CDON: variants seen among roughly 807,000 people sequenced by gnomAD.
CDON encodes cell adhesion molecule-related/down-regulated by oncogenes.
A neutral mutation model predicts 120.9 loss-of-function variants in CDON; 73 were observed. That is an observed-to-expected ratio of 0.60 (90% CI 0.50 to 0.73). CDON has a LOEUF of 0.73. Among genes scored for constraint, CDON ranks in the 30% least tolerant of loss-of-function variants. The pLI is 0.00. For missense variants in CDON, 1,470 were observed against 1,587.3 expected (o/e 0.93, Z 1.26); for synonymous variants, 566 against 573.5 (o/e 0.99, Z 0.19).
chr11:126,045,554 A>C (rs1202204846), intron 1 of CDON, among the ~76,000 whole-genome samples: 2 of 152,170 alleles, frequency 1.3e-5, no homozygotes, highest in Non-Finnish European at 2.9e-5. Flanking sequence ...TTTACTTTGG[A>C]AATTCGTTTT....
rs530518861 is a variant in CDON, at chr11:125,981,429, C to T, written c.2996-100G>A. ...ATGCACACATGCACATACGCACACA[C>T]GCACACACGCACACAGTAAGACACT... On this transcript the variant is annotated intron_variant, in intron 16 of 19. Coordinates refer to ENST00000531738, the MANE Select transcript of CDON (RefSeq NM_001378964.1). The T allele has an allele frequency of 1.2e-4, 138 of 1,189,694 alleles. No individual in the cohort carries two copies. In the African/African-American group the frequency reaches 1.2e-3, roughly 11 times the overall value. 73.7% of individuals were successfully genotyped at this position (1,189,694 alleles called of 1,614,324 possible).
At position 125,978,329 on chromosome 11, in the gene CDON, A is replaced by G; in HGVS notation, c.3331T>C (p.Cys1111Arg). The G allele has an allele frequency of 1.2e-6, 2 of 1,608,370 alleles. No homozygotes were observed. Residue 1111 changes from cysteine to arginine, a missense_variant, in exon 18 of 20, where the codon TGC becomes CGC. Coordinates refer to ENST00000531738, the MANE Select transcript of CDON (RefSeq NM_001378964.1). ...CTATTGTTGTTTCGACAATTTCGGCAGTTAACACACTCCAGAGGGTCAATC... is the reference window on the plus strand; with the variant it reads ...CTATTGTTGTTTCGACAATTTCGGCGGTTAACACACTCCAGAGGGTCAATC... ...PQIDPLECVN[C>R]RNCRNNNRCF...
chr11:125,989,968 G>A (rs1565508609), intron 14 of CDON, among the ~76,000 whole-genome samples: 1 of 152,152 alleles, frequency 6.6e-6, no homozygotes, highest in African/African-American at 2.4e-5. Context: ...AAGGTAAAGA[G>A]AGGAGATAAA....
At chr11:126,023,376 AC>A (rs1448381132) in intron 2 of CDON, 24 bp downstream of exon 2, 3 of 1,486,168 alleles carry the variant, frequency 2.0e-6, no homozygotes, top group South Asian at 2.3e-5. Context: ...AGGCCAAACC[AC>A]CCCCTCCCCA....
chr11:126,002,359 A>T (rs572457434), intron 10 of CDON, among the ~76,000 whole-genome samples: 1 of 152,344 alleles, frequency 6.6e-6, no homozygotes, highest in South Asian at 2.1e-4. Flanking sequence ...TGATTATGAA[A>T]ATGAACTCAA....
At chr11:126,046,292 A>C (rs1159690969) in intron 1 of CDON, among the ~76,000 whole-genome samples, 1 of 152,188 alleles carries the variant, frequency 6.6e-6, no homozygotes, top group Non-Finnish European at 1.5e-5. Flanking sequence ...CAATGCAATA[A>C]ACTTATCCTC....
At chr11:126,031,578 T>C (rs894176710) in intron 1 of CDON, among the ~76,000 whole-genome samples, 1 of 152,192 alleles carries the variant, frequency 6.6e-6, no homozygotes, top group Non-Finnish European at 1.5e-5. Flanking sequence ...AGATGCCAAC[T>C]GAGGGGGAGG....
chr11:125,961,143 T>C lies in CDON; in HGVS notation c.3632-38A>G, dbSNP rs776983195. 8 of 1,592,768 alleles carry C rather than the reference T, an allele frequency of 5.0e-6. No individual in the cohort carries two copies. In the African/African-American group the frequency reaches 1.1e-4, roughly 21 times the overall value. On this transcript the variant is annotated intron_variant, in intron 19 of 19. Coordinates refer to ENST00000531738, the MANE Select transcript of CDON (RefSeq NM_001378964.1). ...AGGGTTTGGGAGCATTATCAAATGA[T>C]AAAGGCTGATTTTTACAAAGCAGTC...
intron 1 of CDON, among the ~76,000 whole-genome samples, chr11:126,052,090 T>TAAAACAAAACAAAAC (rs112365084): frequency 2.0e-5 from 3 of 150,514 alleles, no homozygotes; most frequent in Non-Finnish European, 4.4e-5. Context: ...GCCATGGGAT[T>TAAAACAAAACAAAAC]AAAACAAAAC....
chr11:126,048,430 C>G (rs532943811), intron 1 of CDON, among the ~76,000 whole-genome samples: 1 of 152,156 alleles, frequency 6.6e-6, no homozygotes, highest in African/African-American at 2.4e-5. Context: ...AAGGAACACT[C>G]GAGCAAAGAG....
intron 1 of CDON, among the ~76,000 whole-genome samples, chr11:126,050,228 CA>C (rs11439468): frequency 8.2e-5 from 12 of 147,030 alleles, no homozygotes; most frequent in Admixed American, 2.7e-4. Flanking sequence ...AGCAAAAAAA[CA>C]AAAAAAAAGC....
intron 1 of CDON, among the ~76,000 whole-genome samples, chr11:126,045,285 CA>C (rs1948377222): frequency 6.6e-6 from 1 of 152,272 alleles, no homozygotes; most frequent in South Asian, 2.1e-4. Flanking sequence ...CTCAGCCTCC[CA>C]AAATGCTGGG....
At chr11:126,036,249 A>G (rs1341108472) in intron 1 of CDON, among the ~76,000 whole-genome samples, 1 of 152,236 alleles carries the variant, frequency 6.6e-6, no homozygotes, top group Non-Finnish European at 1.5e-5. Context: ...TTTTAAACAC[A>G]TATAGTCTTA....
intron 18 of CDON, among the ~76,000 whole-genome samples, chr11:125,968,172 A>C (rs1203969834): frequency 6.6e-6 from 1 of 152,204 alleles, no homozygotes; most frequent in African/African-American, 2.4e-5. Flanking sequence ...AAATATTAGA[A>C]ATTAATAACC....
At chr11:126,051,542 C>A (rs1346297067) in intron 1 of CDON, among the ~76,000 whole-genome samples, 1 of 152,146 alleles carries the variant, frequency 6.6e-6, no homozygotes, top group Non-Finnish European at 1.5e-5. Flanking sequence ...GATATGAAAT[C>A]TCTGCACAAG....
intron 17 of CDON, among the ~76,000 whole-genome samples, chr11:125,979,067 C>T (rs1377252711): frequency 6.6e-6 from 1 of 152,090 alleles, no homozygotes; most frequent in Non-Finnish European, 1.5e-5. Context: ...CAAGGTTCTT[C>T]AAAAATGAAG....
chr11:126,024,981 G>T (rs531401443), intron 1 of CDON, among the ~76,000 whole-genome samples: 2 of 152,258 alleles, frequency 1.3e-5, no homozygotes, highest in South Asian at 4.2e-4. Flanking sequence ...GAGGAAGGCG[G>T]ATCACTTGAG....
chr11:126,052,232 A>C (rs10893465), intron 1 of CDON, among the ~76,000 whole-genome samples: 31,316 of 152,034 alleles, frequency 0.21, 3,483 homozygotes, highest in East Asian at 0.29. Flanking sequence ...CAAAATATAA[A>C]ATAATTTAAA....
At chr11:125,961,703 G>A in intron 19 of CDON, 21 bp downstream of exon 19, 7 of 1,614,094 alleles carry the variant, frequency 4.3e-6, no homozygotes, top group Non-Finnish European at 5.1e-6. Context: ...GGAATCCTAA[G>A]GTTGATCATG....
Sources: allele counts gnomAD v4.1 joint callset (sites outside exome capture counted in the v4.1 genomes callset), GRCh38; gene constraint gnomAD v4.1.1; transcripts MANE v1.5; gene names NCBI Gene and HGNC (gene_info 2026-07-23, HGNC 2026-07-21).